Variants in NDC1 observed in about 807,000 individuals in gnomAD.
The protein encoded by NDC1 is nucleoporin NDC1.
NDC1 carries 24 observed loss-of-function variants against 89.8 expected under a neutral mutation model. That is an observed-to-expected ratio of 0.27 (90% CI 0.19 to 0.38). The LOEUF is 0.38. Among genes scored for constraint, NDC1 ranks in the 10% least tolerant of loss-of-function variants. The probability of loss-of-function intolerance (pLI) is 1.00; values close to 1 mark genes in which losing one functional copy is unlikely to be tolerated. For synonymous variants in NDC1, 296 were observed against 284.8 expected, an observed-to-expected ratio of 1.04 and a Z score of -0.39; for missense variants, 728 against 797.6, an observed-to-expected ratio of 0.91 and a Z score of 1.05.
intron 16 of NDC1, among the ~76,000 whole-genome samples, chr1:53,782,152 A>G (rs1050035443): frequency 6.6e-6 from 1 of 152,120 alleles, no homozygotes; most frequent in Non-Finnish European, 1.5e-5. Flanking sequence ...ATGTGCAGTT[A>G]GAGTCAAGTT....
At chr1:53,807,832 G>A in intron 7 of NDC1, 41 bp from the exon 8 acceptor site, 1 of 1,563,414 alleles carries the variant, frequency 6.4e-7, no homozygotes, top group Non-Finnish European at 8.6e-7. Flanking sequence ...TAGGAAAAAT[G>A]CAATCTAAAT....
chr1:53,767,906 G>A lies in NDC1; in HGVS notation c.*64C>T. ...CGTTTTCTTCTGATCCAAGAATGCT[G>A]AACATTTACTGTCCCATCTGTAGTT... On this transcript the variant is annotated 3_prime_UTR_variant, in exon 18 of 18. Transcript: ENST00000371429. The A allele has an allele frequency of 3.0e-6, 3 of 1,016,516 alleles. 1 individual carries two copies. Among genetic ancestry groups the A allele is most frequent in the Non-Finnish European group, 4.4e-6 (3 of 682,558 alleles). The allele number at this position is 1,016,516 out of a possible 1,614,324, so 63.0% of individuals were successfully genotyped here. A position where few individuals can be genotyped will look rare whatever the true frequency, so the allele number is the denominator to read the frequency against.
At chr1:53,773,141 T>A (rs1402655732) in intron 16 of NDC1, among the ~76,000 whole-genome samples, 1 of 151,870 alleles carries the variant, frequency 6.6e-6, no homozygotes, top group Non-Finnish European at 1.5e-5. Flanking sequence ...CAGAAATAGT[T>A]ATTCACTAAA....
intron 4 of NDC1, among the ~76,000 whole-genome samples, 163 bp downstream of exon 4, chr1:53,827,836 C>T (rs1379087770): frequency 1.3e-5 from 2 of 152,072 alleles, no homozygotes; most frequent in African/African-American, 4.8e-5. Context: ...TTTTTAATTG[C>T]TGAAATCAAT....
At chr1:53,789,226 AATT>A in intron 14 of NDC1, 30 bp from the exon 15 acceptor site, 1 of 1,506,314 alleles carries the variant, frequency 6.6e-7, no homozygotes, top group South Asian at 1.2e-5. Flanking sequence ...CATTCAAGTG[AATT>A]CCCCTGAGCA....
intron 3 of NDC1, among the ~76,000 whole-genome samples, chr1:53,831,902 T>A (rs868741301): frequency 1.3e-5 from 2 of 151,964 alleles, no homozygotes; most frequent in East Asian, 3.9e-4. Flanking sequence ...ATCACAGTAT[T>A]ATAGATTATT....
chr1:53,796,657 C>T, intron 13 of NDC1, 32 bp downstream of exon 13: 2 of 1,375,730 alleles, frequency 1.5e-6, no homozygotes, highest in Non-Finnish European at 2.0e-6. Context: ...ATTTTACATG[C>T]AAATATAAAT....
At chr1:53,791,395 C>A (rs1647496397) in intron 14 of NDC1, among the ~76,000 whole-genome samples, 1 of 150,228 alleles carries the variant, frequency 6.7e-6, no homozygotes, top group Admixed American at 6.6e-5. Flanking sequence ...CAGATCGCGC[C>A]ACCGCACTCC....
At chr1:53,792,149 A>G (rs552769550) in intron 14 of NDC1, among the ~76,000 whole-genome samples, 54 of 152,152 alleles carry the variant, frequency 3.5e-4, no homozygotes, top group Admixed American at 1.7e-3. Context: ...TCACCGTGTT[A>G]GCCAGGATGG....
Position 53,800,710 on chromosome 1 carries a change from T to C in NDC1, c.1205A>G (p.Lys402Arg). 1 of 1,614,102 alleles carries C rather than the reference T, an allele frequency of 6.2e-7. No homozygotes were observed. Among genetic ancestry groups the C allele is most frequent in the Non-Finnish European group, 8.5e-7 (1 of 1,179,952 alleles). ...RVSSSYPVEP[K>R]KLNSPEETAF... ...GGGATTACCTGGAGAATTTAATTTC[T>C]TAGGTTCCACTGGGTAAGATGAAGA... The change falls in exon 11 of 18, where the codon AAG becomes AGG. Residue 402 changes from lysine (K) to arginine (R), a missense_variant. Physicochemically the swap from Lys to Arg is conservative, Grantham distance 26. Transcript: ENST00000371429.
intron 4 of NDC1, among the ~76,000 whole-genome samples, chr1:53,826,624 A>G (rs1407634310): frequency 6.6e-6 from 1 of 152,240 alleles, no homozygotes; most frequent in African/African-American, 2.4e-5. Context: ...AATTATAAGC[A>G]TAAGATCTAT....
At position 53,838,213 on chromosome 1, in the gene NDC1, G is replaced by C; in HGVS notation, c.49C>G (p.Leu17Val). Residue 17 changes from leucine to valine, a missense_variant, in exon 1 of 18, where the codon CTG (leucine) becomes GTG (valine). Physicochemically the swap from Leu to Val is conservative, Grantham distance 32 (BLOSUM62 1). Transcript: ENST00000371429. ...GTGCACGCCGCACTCACGCGCCACA[G>C]TATGTCCCGCGACCTGCCGGCGCAG... ...RPCAGRSRDI[L>V]WRVLGWRIVA... 6.5e-7 allele frequency: 1 copy of C among 1,535,652 alleles called. No homozygotes were observed.
chr1:53,783,224 G>C (rs142732483), intron 16 of NDC1, among the ~76,000 whole-genome samples: 1 of 152,076 alleles, frequency 6.6e-6, no homozygotes, highest in Non-Finnish European at 1.5e-5. Context: ...TGCAGACAGG[G>C]TGTGGGGCAG....
rs151124002 is a variant in NDC1 at position 53,806,435 on chromosome 1, G to T, written c.974C>A (p.Pro325His). ...ACACAGTTTGGATACCTTTATGATG[G>T]GGGGAGGATTGCTATTTAACACTTT... ...LPKVLNSNPP[P>H]IIKYLALQDL... Residue 325 changes from proline to histidine, a missense_variant, in exon 9 of 18, where the codon CCC becomes CAC. Coordinates refer to ENST00000371429, the MANE Select transcript of NDC1 (RefSeq NM_018087.5). 5.9e-6 allele frequency: 9 copies of T among 1,535,720 alleles called. No homozygotes were observed. The African/African-American group carries it at 7.1e-5, about 12-fold the overall frequency.
chr1:53,835,696 A>G (rs1649207953), intron 1 of NDC1, 76 bp from the exon 2 acceptor site: 1 of 1,323,548 alleles, frequency 7.6e-7, no homozygotes, highest in Non-Finnish European at 1.1e-6. Context: ...ATCTTTTCAT[A>G]CAGGATGTTA....
At chr1:53,772,282 A>G (rs1647120431) in intron 17 of NDC1, 47 bp downstream of exon 17, 1 of 1,549,368 alleles carries the variant, frequency 6.5e-7, no homozygotes, top group Non-Finnish European at 8.9e-7. Context: ...TTCTAAGGAA[A>G]GCTCCCCAGA....
Position 53,803,358 on chromosome 1 carries a change from C to T in NDC1, c.1066+570G>A, listed in dbSNP as rs571654923. On this transcript the variant is annotated intron_variant, in intron 10 of 17. Coordinates refer to ENST00000371429, the MANE Select transcript of NDC1 (RefSeq NM_018087.5). ...CTAGGATTACAGGGGTGAGCCACCA[C>T]GCCCAGCCAAACTTTTAGAATTCTT... Among the ~76,000 whole-genome samples the T allele has an allele frequency of 2.0e-5, 3 of 152,012 alleles. No individual in the cohort carries two copies. The South Asian group carries it at 6.2e-4, about 32-fold the overall frequency.
At chr1:53,837,338 C>T (rs1449851012) in intron 1 of NDC1, among the ~76,000 whole-genome samples, 1 of 152,140 alleles carries the variant, frequency 6.6e-6, no homozygotes, top group African/African-American at 2.4e-5. Flanking sequence ...TTTGGGAGAC[C>T]GAGGCGGATG....
At chr1:53,811,356 G>A (rs1319742862) in intron 6 of NDC1, among the ~76,000 whole-genome samples, 1 of 152,174 alleles carries the variant, frequency 6.6e-6, no homozygotes, top group Admixed American at 6.5e-5. Context: ...CTCCCAGCTG[G>A]GAGGCGGGTA....
Sources: gnomAD v4.1 joint callset for allele counts (sites outside exome capture counted in the v4.1 genomes callset) on GRCh38, gnomAD v4.1.1 for gene constraint, MANE v1.5 for transcripts, NCBI Gene and HGNC (gene_info 2026-07-23, HGNC 2026-07-21) for gene names.